Variants in SSBP2 observed in about 807,000 individuals in gnomAD.
SSBP2 encodes the protein single stranded DNA binding protein 2.
A neutral mutation model predicts 61.8 loss-of-function variants in SSBP2; 17 were observed. That is an observed-to-expected ratio of 0.28 (90% confidence interval 0.19 to 0.41). The LOEUF (loss-of-function observed/expected upper bound fraction) is 0.41, where lower values mean the gene tolerates loss of function less well. Among genes scored for constraint, SSBP2 ranks in the 10% least tolerant of loss-of-function variants. SSBP2 has a pLI of 1.00. For missense variants in SSBP2, 310 were observed against 458.7 expected (o/e 0.68, Z 2.96); for synonymous variants, 139 against 141.3 (o/e 0.98, Z 0.12).
At position 81,662,700 on chromosome 5, in the gene SSBP2, G is replaced by A. The variant is rs1029806614; in HGVS notation, c.63-12361C>T. On this transcript the variant is annotated intron_variant, in intron 1 of 16. Coordinates refer to ENST00000320672, the MANE Select transcript of SSBP2 (RefSeq NM_012446.5). Reference sequence around the variant, plus strand: ...ATCTGTAATCTCAGCTACTCAGGAGGCTGAGGCAGACAATTGCTTGAACCC... The same window carrying A: ...ATCTGTAATCTCAGCTACTCAGGAGACTGAGGCAGACAATTGCTTGAACCC... 3.9e-5 allele frequency among the ~76,000 whole-genome samples: 6 copies of A among 152,124 alleles called. No individual in the cohort carries two copies. In the South Asian group the frequency reaches 1.2e-3, roughly 32 times the overall value.
intron 3 of SSBP2, among the ~76,000 whole-genome samples, chr5:81,626,267 AAATAT>A (rs1487333320): frequency 1.3e-5 from 2 of 152,238 alleles, no homozygotes; most frequent in African/African-American, 4.8e-5. Context: ...TTCTATTTTA[AAATAT>A]AATGAAGATA....
intron 4 of SSBP2, among the ~76,000 whole-genome samples, chr5:81,547,166 C>T (rs550531459): frequency 6.6e-6 from 1 of 151,868 alleles, no homozygotes; most frequent in African/African-American, 2.4e-5. Flanking sequence ...GGCGGAAATG[C>T]AAAACGGCGC....
chr5:81,729,225 T>TA (rs1756095404), intron 1 of SSBP2, among the ~76,000 whole-genome samples: 1 of 152,210 alleles, frequency 6.6e-6, no homozygotes, highest in South Asian at 2.1e-4. Flanking sequence ...TACTCATTTT[T>TA]ATGAATCACT....
intron 4 of SSBP2, among the ~76,000 whole-genome samples, chr5:81,582,644 A>T (rs1774746333): frequency 6.6e-6 from 1 of 152,114 alleles, no homozygotes; most frequent in Non-Finnish European, 1.5e-5. Context: ...CGCAGGATGG[A>T]GTGCAGTGGT....
chr5:81,653,465 T>C (rs1749933093), intron 1 of SSBP2, among the ~76,000 whole-genome samples: 1 of 152,206 alleles, frequency 6.6e-6, no homozygotes, highest in Admixed American at 6.5e-5. Flanking sequence ...ATATACTCAG[T>C]AATGGGATTG....
chr5:81,586,315 T>A (rs1235885638), intron 4 of SSBP2, among the ~76,000 whole-genome samples: 2 of 152,202 alleles, frequency 1.3e-5, no homozygotes, highest in African/African-American at 4.8e-5. Flanking sequence ...ACATTTGTTA[T>A]CTATTGTCTT....
At chr5:81,682,999 G>C (rs1054278563) in intron 1 of SSBP2, among the ~76,000 whole-genome samples, 1 of 149,900 alleles carries the variant, frequency 6.7e-6, no homozygotes, top group African/African-American at 2.4e-5. Flanking sequence ...AAACTCTGTT[G>C]AAAGACATCA....
chr5:81,655,759 A>G (rs1750156547), intron 1 of SSBP2, among the ~76,000 whole-genome samples: 1 of 152,216 alleles, frequency 6.6e-6, no homozygotes, highest in African/African-American at 2.4e-5. Flanking sequence ...TCCCTCAACT[A>G]CACACACGTG....
At chr5:81,527,211 TATTTTTAAATAG>T (rs1770011356) in intron 4 of SSBP2, among the ~76,000 whole-genome samples, 1 of 152,026 alleles carries the variant, frequency 6.6e-6, no homozygotes, top group Admixed American at 6.6e-5. Context: ...TTAGATGTAA[TATTTTTAAATAG>T]ATAACTCTGG....
intron 16 of SSBP2, among the ~76,000 whole-genome samples, chr5:81,421,436 G>A (rs926895849): frequency 6.6e-6 from 1 of 152,080 alleles, no homozygotes; most frequent in African/African-American, 2.4e-5. Context: ...CAAGCAATCT[G>A]CTCACCTTGG....
chr5:81,708,464 T>G (rs984332013), intron 1 of SSBP2, among the ~76,000 whole-genome samples: 3 of 152,102 alleles, frequency 2.0e-5, no homozygotes, highest in Non-Finnish European at 4.4e-5. Context: ...AGTTGTTCAA[T>G]TTTCCTTATT....
chr5:81,484,622 A>C (rs910728706), intron 6 of SSBP2, among the ~76,000 whole-genome samples: 7 of 152,116 alleles, frequency 4.6e-5, no homozygotes, highest in Non-Finnish European at 8.8e-5. Flanking sequence ...GGGTATTCTA[A>C]ACCAGCCAAA....
chr5:81,492,498 T>C (rs1284740060), intron 5 of SSBP2, among the ~76,000 whole-genome samples: 2 of 152,222 alleles, frequency 1.3e-5, no homozygotes, highest in African/African-American at 4.8e-5. Flanking sequence ...AGCAAGACTC[T>C]TTCTCAAAAC....
At chr5:81,536,299 GA>G (rs1770795339) in intron 4 of SSBP2, among the ~76,000 whole-genome samples, 1 of 152,140 alleles carries the variant, frequency 6.6e-6, no homozygotes, top group African/African-American at 2.4e-5. Flanking sequence ...CACTTTGGAA[GA>G]AAATCTGGTA....
chr5:81,719,420 T>A (rs1420947340), intron 1 of SSBP2, among the ~76,000 whole-genome samples: 1 of 152,218 alleles, frequency 6.6e-6, no homozygotes, highest in Non-Finnish European at 1.5e-5. Flanking sequence ...GGCTTCTTAA[T>A]ATCCATAACA....
intron 5 of SSBP2, among the ~76,000 whole-genome samples, chr5:81,505,160 G>A (rs934301611): frequency 2.0e-5 from 3 of 148,900 alleles, no homozygotes; most frequent in African/African-American, 7.4e-5. Flanking sequence ...GTTTTTTTTT[G>A]TAAGTGAAGT....
At chr5:81,594,064 A>C (rs1428520195) in intron 4 of SSBP2, among the ~76,000 whole-genome samples, 2 of 150,602 alleles carry the variant, frequency 1.3e-5, no homozygotes, top group Non-Finnish European at 3.0e-5. Flanking sequence ...ATAAAGAGTC[A>C]ACACCCATCA....
At chr5:81,667,286 T>TATAC (rs1554108634) in intron 1 of SSBP2, among the ~76,000 whole-genome samples, 1 of 133,732 alleles carries the variant, frequency 7.5e-6, no homozygotes, top group African/African-American at 2.8e-5. Flanking sequence ...GGGATACAGA[T>TATAC]ACACACACAC....
intron 1 of SSBP2, among the ~76,000 whole-genome samples, chr5:81,727,802 G>A (rs918445306): frequency 6.6e-6 from 1 of 152,156 alleles, no homozygotes; most frequent in East Asian, 1.9e-4. Flanking sequence ...TGGTAAACAT[G>A]GTCCCTGCAC....
Sources: allele counts gnomAD v4.1 joint callset (sites outside exome capture counted in the v4.1 genomes callset), GRCh38; gene constraint gnomAD v4.1.1; transcripts MANE v1.5; gene names NCBI Gene and HGNC (gene_info 2026-07-23, HGNC 2026-07-21).